Variants in SLC16A10 observed in about 807,000 individuals in gnomAD.
The protein encoded by SLC16A10 is solute carrier family 16 member 10, also known as monocarboxylate transporter 10.
In SLC16A10, 27 loss-of-function variants were observed where a neutral mutation model predicts 40.0. The ratio of observed to expected loss-of-function variants is 0.67; its 90% CI spans 0.50 to 0.93. SLC16A10 has a LOEUF of 0.93. SLC16A10 is among the 40% of genes least tolerant of loss of function. The probability of loss-of-function intolerance (pLI) is 0.00; values close to 1 mark genes in which losing one functional copy is unlikely to be tolerated. For synonymous variants in SLC16A10, 213 were observed against 249.8 expected (o/e 0.85, Z 1.39); for missense variants, 529 against 658.2 (o/e 0.80, Z 2.15).
At chr6:111,156,899 A>C (rs1416982534) in intron 1 of SLC16A10, among the ~76,000 whole-genome samples, 2 of 152,212 alleles carry the variant, frequency 1.3e-5, no homozygotes, top group Non-Finnish European at 2.9e-5. Flanking sequence ...ATCTGAAACT[A>C]TTCTAAAATG....
chr6:111,195,779 A>G (rs1372045259), intron 3 of SLC16A10, among the ~76,000 whole-genome samples: 2 of 152,250 alleles, frequency 1.3e-5, no homozygotes, highest in Admixed American at 6.5e-5. Context: ...TCCCAGTCCA[A>G]AGAAGTTTTC....
intron 1 of SLC16A10, among the ~76,000 whole-genome samples, chr6:111,097,926 C>T (rs952257070): frequency 1.3e-5 from 2 of 152,148 alleles, no homozygotes; most frequent in Non-Finnish European, 2.9e-5. Context: ...GTGCATTGGT[C>T]TACAGTTCAG....
intron 3 of SLC16A10, among the ~76,000 whole-genome samples, chr6:111,197,639 A>T (rs1263804070): frequency 2.0e-5 from 3 of 152,184 alleles, no homozygotes; most frequent in Non-Finnish European, 4.4e-5. Context: ...TATAAAGAAA[A>T]GAGGTTTAAT....
At chr6:111,114,856 A>G (rs1022575932) in intron 1 of SLC16A10, among the ~76,000 whole-genome samples, 1 of 152,160 alleles carries the variant, frequency 6.6e-6, no homozygotes, top group African/African-American at 2.4e-5. Flanking sequence ...ATGTATTTTA[A>G]AGGTACGTTA....
chr6:111,109,240 C>G (rs894576690), intron 1 of SLC16A10, among the ~76,000 whole-genome samples: 2 of 152,102 alleles, frequency 1.3e-5, no homozygotes, highest in African/African-American at 4.8e-5. Context: ...GTCTTTTTCC[C>G]TTACATTCTG....
In SLC16A10 at chr6:111,107,857, G is replaced by A. The variant is rs541119597; in HGVS notation, c.343+19762G>A. On this transcript the variant is annotated intron_variant, in intron 1 of 5. Coordinates refer to ENST00000368851, the MANE Select transcript of SLC16A10 (RefSeq NM_018593.5). ...GAATGATAATATTTGCTTATTGTGT[G>A]TGTTTTGAGAAAATTAGCCAAAGTT... Among the ~76,000 whole-genome samples the A allele has an allele frequency of 1.1e-4, 17 of 152,248 alleles. No individual in the cohort carries two copies. The South Asian group carries it at 3.5e-3, about 32-fold the overall frequency.
chr6:111,183,714 G>A (rs17605889), intron 3 of SLC16A10, among the ~76,000 whole-genome samples: 4,646 of 152,264 alleles, frequency 0.031, 111 homozygotes, highest in Non-Finnish European at 0.041. Context: ...AATGCTGTCC[G>A]TTGATGGAGG....
chr6:111,102,425 A>T (rs1003203844), intron 1 of SLC16A10, among the ~76,000 whole-genome samples: 1 of 152,210 alleles, frequency 6.6e-6, no homozygotes, highest in Non-Finnish European at 1.5e-5. Flanking sequence ...AGTGCTTATA[A>T]GTCTGTGTTC....
At chr6:111,114,767 C>T (rs1771456158) in intron 1 of SLC16A10, among the ~76,000 whole-genome samples, 1 of 152,056 alleles carries the variant, frequency 6.6e-6, no homozygotes, top group South Asian at 2.1e-4. Flanking sequence ...GCAAATATTA[C>T]CAGAGTTAAG....
At chr6:111,169,173 C>T (rs921373659) in intron 1 of SLC16A10, among the ~76,000 whole-genome samples, 3 of 152,148 alleles carry the variant, frequency 2.0e-5, no homozygotes, top group Non-Finnish European at 2.9e-5. Context: ...CAGCCTTTGT[C>T]AGGGCAAAGG....
chr6:111,219,092 C>T, intron 5 of SLC16A10, 50 bp downstream of exon 5: 2 of 1,496,662 alleles, frequency 1.3e-6, no homozygotes, highest in South Asian at 2.3e-5. Context: ...GTATTTTCTA[C>T]TTCAGGTCTT....
chr6:111,193,651 G>T (rs1267615624), intron 3 of SLC16A10, among the ~76,000 whole-genome samples: 1 of 152,060 alleles, frequency 6.6e-6, no homozygotes, highest in Admixed American at 6.6e-5. Flanking sequence ...ATTATACTTA[G>T]CCAAAAATAA....
intron 1 of SLC16A10, among the ~76,000 whole-genome samples, chr6:111,111,031 G>A (rs1394947548): frequency 6.6e-6 from 1 of 151,642 alleles, no homozygotes; most frequent in Non-Finnish European, 1.5e-5. Context: ...TTACCATTTT[G>A]GTCAACTTAC....
At chr6:111,142,224 C>G (rs1345635037) in intron 1 of SLC16A10, among the ~76,000 whole-genome samples, 2 of 152,126 alleles carry the variant, frequency 1.3e-5, no homozygotes, top group African/African-American at 4.8e-5. Flanking sequence ...CAGACAAATA[C>G]AGTTAATCTT....
At chr6:111,108,647 G>A (rs1771328819) in intron 1 of SLC16A10, among the ~76,000 whole-genome samples, 1 of 152,186 alleles carries the variant, frequency 6.6e-6, no homozygotes, top group Non-Finnish European at 1.5e-5. Context: ...TCCTAGCCCT[G>A]TGCTGTCTGC....
At chr6:111,205,440 G>C (rs570883289) in intron 3 of SLC16A10, among the ~76,000 whole-genome samples, 7 of 152,236 alleles carry the variant, frequency 4.6e-5, no homozygotes, top group African/African-American at 1.7e-4. Context: ...TGGCCCACAG[G>C]TCACTGTAGT....
In SLC16A10 at chr6:111,087,575, C is replaced by T. The variant is rs1046054857; in HGVS notation, c.-178C>T. 40 of 248,334 alleles carry T rather than the reference C, an allele frequency of 1.6e-4. No homozygotes were observed. Among genetic ancestry groups the T allele is most frequent in the Non-Finnish European group, 3.0e-4 (40 of 134,136 alleles). 15.4% of individuals were successfully genotyped at this position (248,334 alleles called of 1,614,324 possible). A position where few individuals can be genotyped will look rare whatever the true frequency, so the allele number is the denominator to read the frequency against. On this transcript the variant is annotated 5_prime_UTR_variant, in exon 1 of 6. Transcript: ENST00000368851. ...GAGGTGTTCGCGCGCGCCAGCTGTC[C>T]TCGCGGCCGCCTGCGCGCTGGCCGC...
At position 111,223,360 on chromosome 6, in the gene SLC16A10, T is replaced by C. The variant is rs1322413133; in HGVS notation, c.*1125T>C. 1 of 152,188 alleles carries C rather than the reference T, an allele frequency of 6.6e-6. No homozygotes were observed. Among genetic ancestry groups the C allele is most frequent in the East Asian group, 1.9e-4 (1 of 5,204 alleles). The allele number at this position is 152,188 out of a possible 1,614,324, so 9.4% of individuals were successfully genotyped here. ...ATTCCCATTGTTTTTTTTTGCTATT[T>C]ATATACAGATTATCATAAGAAAGCT... On this transcript the variant is annotated 3_prime_UTR_variant, in exon 6 of 6. Transcript: ENST00000368851.
At chr6:111,214,956 A>G (rs2114590917) in intron 4 of SLC16A10, among the ~76,000 whole-genome samples, 1 of 152,096 alleles carries the variant, frequency 6.6e-6, no homozygotes, top group South Asian at 2.1e-4. Flanking sequence ...CATCTCTACT[A>G]AAAATACAAA....
Sources: gnomAD v4.1 joint callset for allele counts (sites outside exome capture counted in the v4.1 genomes callset) on GRCh38, gnomAD v4.1.1 for gene constraint, MANE v1.5 for transcripts, NCBI Gene and HGNC (gene_info 2026-07-23, HGNC 2026-07-21) for gene names.